UNC5D: variants seen among roughly 807,000 people sequenced by gnomAD.
UNC5D encodes the protein unc-5 netrin receptor D, also known as netrin receptor UNC5D.
A neutral mutation model predicts 105.4 loss-of-function variants in UNC5D; 39 were observed. The ratio of observed to expected loss-of-function variants is 0.37; its 90% confidence interval spans 0.29 to 0.48. The LOEUF (loss-of-function observed/expected upper bound fraction) is 0.48. UNC5D is among the 20% of genes least tolerant of loss of function. The pLI is 0.98. For synonymous variants in UNC5D, 452 were observed against 450.4 expected (o/e 1.00, Z -0.04); for missense variants, 991 against 1,202.4 (o/e 0.82, Z 2.60).
chr8:35,521,404 T>TA (rs1428262424), intron 1 of UNC5D, among the ~76,000 whole-genome samples: 1 of 152,146 alleles, frequency 6.6e-6, no homozygotes, highest in East Asian at 1.9e-4. Flanking sequence ...CTTTGTGTAA[T>TA]AAGTAAGTCA....
At chr8:35,631,523 A>G (rs1822044646) in intron 4 of UNC5D, among the ~76,000 whole-genome samples, 1 of 152,170 alleles carries the variant, frequency 6.6e-6, no homozygotes, top group Non-Finnish European at 1.5e-5. Context: ...CTCTCAAATC[A>G]GTGGATGTCA....
chr8:35,504,559 G>C lies in UNC5D; in HGVS notation c.104-44733G>C, dbSNP rs371037257. On this transcript the variant is annotated intron_variant, in intron 1 of 16. Transcript: ENST00000404895. ...AGGAAGAGAAGATAAGGAAGGCCGA[G>C]GTTTTACCACCAGGCTTAATCACCT... 1.3e-5 allele frequency among the ~76,000 whole-genome samples: 2 copies of C among 152,268 alleles called. 1 individual carries two copies. Among genetic ancestry groups the C allele is most frequent in the African/African-American group, 4.8e-5 (2 of 41,566 alleles).
chr8:35,748,709 C>T lies in UNC5D; in HGVS notation c.1935+14C>T. 1 of 1,609,730 alleles carries T rather than the reference C, an allele frequency of 6.2e-7. No individual in the cohort carries two copies. Among genetic ancestry groups the T allele is most frequent in the Non-Finnish European group, 8.5e-7 (1 of 1,178,302 alleles). On this transcript the variant is annotated intron_variant, in intron 12 of 16. Coordinates refer to ENST00000404895, the MANE Select transcript of UNC5D (RefSeq NM_080872.4). The stretch of plus-strand genomic sequence containing the variant: ...GGCAAATGGGAGGTGAGACCCTTTA[C>T]TTCCTTTTTTAAACAGTGGGATTTG...
intron 4 of UNC5D, among the ~76,000 whole-genome samples, chr8:35,601,729 G>T (rs1237622055): frequency 6.6e-6 from 1 of 152,094 alleles, no homozygotes; most frequent in African/African-American, 2.4e-5. Flanking sequence ...TAAATATACA[G>T]TCATGTCATC....
At chr8:35,730,911 G>A (rs1222503555) in intron 10 of UNC5D, 101 bp from the exon 11 acceptor site, 6 of 985,470 alleles carry the variant, frequency 6.1e-6, no homozygotes, top group Admixed American at 2.4e-5. Context: ...ATTGCCATGA[G>A]AAAGTAGCTT....
intron 13 of UNC5D, among the ~76,000 whole-genome samples, chr8:35,752,898 T>C (rs1002123047): frequency 2.0e-5 from 3 of 152,212 alleles, no homozygotes; most frequent in African/African-American, 7.2e-5. Context: ...GATAACCCAT[T>C]GCTGACTACT....
chr8:35,258,586 G>A (rs1251574099), intron 1 of UNC5D, among the ~76,000 whole-genome samples: 1 of 152,028 alleles, frequency 6.6e-6, no homozygotes, highest in African/African-American at 2.4e-5. Flanking sequence ...TGAGGATTAA[G>A]CAAATTAATA....
intron 4 of UNC5D, among the ~76,000 whole-genome samples, chr8:35,612,305 C>G (rs1820736044): frequency 6.6e-6 from 1 of 152,134 alleles, no homozygotes; most frequent in South Asian, 2.1e-4. Flanking sequence ...CCCAAATCAG[C>G]TTTGTCATTG....
chr8:35,646,278 A>AAAATGTTGT (rs1823045744), intron 4 of UNC5D, among the ~76,000 whole-genome samples: 1 of 152,098 alleles, frequency 6.6e-6, no homozygotes, highest in African/African-American at 2.4e-5. Flanking sequence ...TTTTTTCTAC[A>AAAATGTTGT]ACATTAAAAC....
At chr8:35,728,090 A>T (rs1828977025) in intron 10 of UNC5D, among the ~76,000 whole-genome samples, 1 of 142,666 alleles carries the variant, frequency 7.0e-6, no homozygotes, top group Non-Finnish European at 1.5e-5. Flanking sequence ...AAAAAAAAAA[A>T]AAAAAATATA....
chr8:35,738,642 C>G (rs1263736851), intron 11 of UNC5D, among the ~76,000 whole-genome samples: 1 of 152,202 alleles, frequency 6.6e-6, no homozygotes, highest in African/African-American at 2.4e-5. Context: ...CTCTGTTTCT[C>G]ATAACACTCT....
intron 8 of UNC5D, among the ~76,000 whole-genome samples, chr8:35,717,746 T>C (rs1184896673): frequency 6.6e-6 from 1 of 152,206 alleles, no homozygotes. Flanking sequence ...ATGTCCTCTT[T>C]TGCAGTTCTT....
intron 7 of UNC5D, among the ~76,000 whole-genome samples, chr8:35,701,067 G>GTCTT (rs1459698084): frequency 4.6e-5 from 7 of 152,158 alleles, no homozygotes; most frequent in African/African-American, 1.7e-4. Flanking sequence ...AATTAAAGTG[G>GTCTT]TCTTTGTAGG....
chr8:35,708,669 T>C (rs1293992751), intron 8 of UNC5D, among the ~76,000 whole-genome samples: 1 of 152,160 alleles, frequency 6.6e-6, no homozygotes, highest in Admixed American at 6.5e-5. Context: ...GCTGGTTTGG[T>C]AAGTTCACCT....
rs531139229 is a variant in UNC5D, at chr8:35,399,409, C to A, written c.104-149883C>A. On this transcript the variant is annotated intron_variant, in intron 1 of 16. Coordinates refer to ENST00000404895, the MANE Select transcript of UNC5D (RefSeq NM_080872.4). ...GTTGTAGGTAGAATTAAAATTTACC[C>A]CAACTGCTATAATTTTGCTATTTTG... is the stretch of plus-strand genomic sequence containing the variant. Among the ~76,000 whole-genome samples, 7 of 152,162 alleles carry A rather than the reference C, an allele frequency of 4.6e-5. 1 individual carries two copies. The highest frequency in any genetic ancestry group is 1.7e-4 in the African/African-American group (7 of 41,526).
intron 1 of UNC5D, among the ~76,000 whole-genome samples, chr8:35,346,160 A>T (rs1329062929): frequency 6.6e-6 from 1 of 151,992 alleles, no homozygotes; most frequent in African/African-American, 2.4e-5. Context: ...AAGAACTGTG[A>T]GTGGAAGCCA....
At chr8:35,787,268 A>C (rs1479474643) in intron 16 of UNC5D, among the ~76,000 whole-genome samples, 2 of 152,242 alleles carry the variant, frequency 1.3e-5, no homozygotes, top group South Asian at 4.1e-4. Context: ...TACAAAATGT[A>C]ACTATAAATC....
intron 2 of UNC5D, among the ~76,000 whole-genome samples, chr8:35,553,634 A>G (rs1354283500): frequency 2.0e-5 from 3 of 152,240 alleles, no homozygotes. Flanking sequence ...GCACACTGCA[A>G]TTATGTTTCC....
chr8:35,778,942 T>C (rs979022141), intron 16 of UNC5D, among the ~76,000 whole-genome samples: 1 of 152,224 alleles, frequency 6.6e-6, no homozygotes, highest in African/African-American at 2.4e-5. Context: ...GAGTGTGTGC[T>C]GTACGGCTGG....
Sources: allele counts gnomAD v4.1 joint callset (sites outside exome capture counted in the v4.1 genomes callset), GRCh38; gene constraint gnomAD v4.1.1; transcripts MANE v1.5; gene names NCBI Gene and HGNC (gene_info 2026-07-23, HGNC 2026-07-21).